Variants in APC observed in about 807,000 individuals in gnomAD.
APC encodes the protein APC regulator of Wnt signaling pathway, also known as adenomatous polyposis coli protein.
A neutral mutation model predicts 247.0 loss-of-function variants in APC; 72 were observed. That is an observed-to-expected ratio of 0.29 (90% CI 0.24 to 0.35). The LOEUF (loss-of-function observed/expected upper bound fraction) is 0.35, where lower values mean the gene tolerates loss of function less well. Among genes scored for constraint, APC ranks in the 10% least tolerant of loss-of-function variants. The probability of loss-of-function intolerance (pLI) is 1.00; values close to 1 mark genes in which losing one functional copy is unlikely to be tolerated. For synonymous variants in APC, 1,254 were observed against 1,162.5 expected, an observed-to-expected ratio of 1.08 and a Z score of -1.60; for missense variants, 3,400 against 3,360.7, an observed-to-expected ratio of 1.01 and a Z score of -0.29.
At chr5:112,821,812 T>C (rs914039055) in intron 10 of APC, 84 bp from the exon 11 acceptor site, 3 of 1,066,262 alleles carry the variant, frequency 2.8e-6, no homozygotes. Context: ...ATATTAGTGA[T>C]CCCTGCATAT....
At chr5:112,797,013 A>G (rs1025158934) in intron 7 of APC, among the ~76,000 whole-genome samples, 43 of 152,130 alleles carry the variant, frequency 2.8e-4, no homozygotes, top group Middle Eastern at 3.4e-3. Flanking sequence ...CCATTTATTA[A>G]TAGTAATCCT....
At chr5:112,802,215 T>A (rs891339029) in intron 8 of APC, among the ~76,000 whole-genome samples, 1 of 152,152 alleles carries the variant, frequency 6.6e-6, no homozygotes, top group Non-Finnish European at 1.5e-5. Context: ...AATATGCTTC[T>A]ATTAGTTCAT....
Position 112,841,546 on chromosome 5 carries a change from T to C in APC, c.5952T>C (p.Asn1984=), listed in dbSNP as rs142019870. Residue 1984 remains asparagine, a synonymous_variant, in exon 16 of 16, where the codon AAT becomes AAC. Coordinates refer to ENST00000257430, the MANE Select transcript of APC (RefSeq NM_000038.6). The surrounding 1 kb of genome is among the most constrained non-coding windows in gnomAD (Gnocchi z 4.6). ...DIDQENNNKE[N]EPIKETEPPD... ...ACCAAGAAAACAACAATAAAGAAAA[T>C]GAACCTATCAAAGAGACTGAGCCCC... is the stretch of plus-strand genomic sequence containing the variant. The C allele has an allele frequency of 6.2e-6, 10 of 1,613,714 alleles. No individual in the cohort carries two copies. Among genetic ancestry groups the C allele is most frequent in the Admixed American group, 5.0e-5 (3 of 59,954 alleles).
intron 7 of APC, among the ~76,000 whole-genome samples, chr5:112,797,082 G>C (rs1200934014): frequency 6.6e-6 from 1 of 151,894 alleles, no homozygotes; most frequent in Non-Finnish European, 1.5e-5. Flanking sequence ...TCTTGTATCT[G>C]TTCAAAACTT....
chr5:112,819,391 G>A (rs924919382), intron 10 of APC, 47 bp downstream of exon 10: 3 of 1,612,780 alleles, frequency 1.9e-6, no homozygotes, highest in East Asian at 4.5e-5. Flanking sequence ...CAAAGCAAAT[G>A]TGAAATTTTT....
rs879254262 is a variant in APC, at chr5:112,842,886, G to C, written c.7292G>C (p.Arg2431Thr). 1 of 1,614,018 alleles carries C rather than the reference G, an allele frequency of 6.2e-7. No homozygotes were observed. Among genetic ancestry groups the C allele is most frequent in the Non-Finnish European group, 8.5e-7 (1 of 1,179,952 alleles). Residue 2431 changes from arginine to threonine, a missense_variant, in exon 16 of 16, where the codon AGA becomes ACA. By Grantham distance (71) the Arg-to-Thr change is moderately conservative. Coordinates refer to ENST00000257430, the MANE Select transcript of APC (RefSeq NM_000038.6). ...STKSSGSESD[R>T]SERPVLVRQS... ...AAATCAAGTGGAAGTGAATCTGATA[G>C]ATCAGAAAGACCTGTATTAGTACGC...
chr5:112,840,334 T>C lies in APC; in HGVS notation c.4740T>C (p.Ile1580=), dbSNP rs760033815. ...DDIEILEECI[I]SAMPTKSSRK... The stretch of plus-strand genomic sequence containing the variant: ...TTGAAATACTAGAAGAATGTATTAT[T>C]TCTGCCATGCCAACAAAGTCATCAC... Residue 1580 remains isoleucine, a synonymous_variant, in exon 16 of 16, where the codon ATT becomes ATC. Coordinates refer to ENST00000257430, the MANE Select transcript of APC (RefSeq NM_000038.6). This position sits in a 1 kb window ranked among gnomAD's most constrained non-coding sequence, Gnocchi z 4.1. 3.1e-6 allele frequency: 5 copies of C among 1,614,202 alleles called. No individual in the cohort carries two copies. The highest frequency in any genetic ancestry group is 1.6e-4 in the Middle Eastern group (1 of 6,062).
chr5:112,753,495 T>C (rs1040433807), intron 1 of APC, among the ~76,000 whole-genome samples: 1 of 152,210 alleles, frequency 6.6e-6, no homozygotes, highest in Admixed American at 6.5e-5. Flanking sequence ...TTACAAATTG[T>C]GAAATGAATT....
intron 6 of APC, among the ~76,000 whole-genome samples, chr5:112,789,407 T>C (rs1759327576): frequency 6.6e-6 from 1 of 152,188 alleles, no homozygotes; most frequent in Non-Finnish European, 1.5e-5. Flanking sequence ...TAGTGGCTTC[T>C]TCTATTTTCA....
chr5:112,789,923 C>T (rs1256044206), intron 6 of APC, among the ~76,000 whole-genome samples: 4 of 151,352 alleles, frequency 2.6e-5, no homozygotes, highest in South Asian at 2.1e-4. Flanking sequence ...GGCAGTGGCA[C>T]GATATCGCTC....
chr5:112,720,211 T>C (rs1426513636), intron 1 of APC, among the ~76,000 whole-genome samples: 1 of 152,242 alleles, frequency 6.6e-6, no homozygotes. Flanking sequence ...GCCATCCATT[T>C]CTTTGTGATT....
At chr5:112,778,285 G>C (rs114568633) in intron 5 of APC, 2 of 152,582 alleles carry the variant, frequency 1.3e-5, no homozygotes, top group African/African-American at 4.8e-5. Context: ...TTCTAATCCT[G>C]TCAGCCTCTC....
At chr5:112,731,977 G>A (rs1226426775) in intron 1 of APC, among the ~76,000 whole-genome samples, 1 of 152,192 alleles carries the variant, frequency 6.6e-6, no homozygotes, top group Non-Finnish European at 1.5e-5. Context: ...GGCCAGGCTG[G>A]TCTCAAACTC....
intron 6 of APC, chr5:112,783,926 C>G: frequency 4.8e-6 from 1 of 209,556 alleles, no homozygotes; most frequent in Non-Finnish European, 9.9e-6. Context: ...CATCACTACA[C>G]ATCAGGGAAA....
rs77982776 is a variant in APC at position 112,754,737 on chromosome 5, G to T, written c.-18-136G>T. The T allele has an allele frequency of 1.3e-6, 1 of 753,496 alleles. No individual in the cohort carries two copies. The highest frequency in any genetic ancestry group is 2.2e-6 in the Non-Finnish European group (1 of 459,170). 46.7% of individuals were successfully genotyped at this position (753,496 alleles called of 1,614,324 possible). A position where few individuals can be genotyped will look rare whatever the true frequency, so the allele number is the denominator to read the frequency against. ...GCTGCTACTTGAACAATATTGTTTT[G>T]AGACCAAAAACTAGCATATTAACAC... On this transcript the variant is annotated intron_variant, in intron 1 of 15. Transcript: ENST00000257430.
intron 1 of APC, among the ~76,000 whole-genome samples, chr5:112,748,145 C>G (rs1471590187): frequency 6.6e-6 from 1 of 152,104 alleles, no homozygotes; most frequent in East Asian, 1.9e-4. Context: ...TGAGACCTGC[C>G]CACACGTGGT....
Position 112,844,205 on chromosome 5 carries a change from T to C in APC, c.*79T>C, listed in dbSNP as rs1766783190. The C allele has an allele frequency of 1.5e-6, 2 of 1,367,838 alleles. No individual in the cohort carries two copies. The highest frequency in any genetic ancestry group is 1.0e-6 in the Non-Finnish European group (1 of 993,628). 84.7% of individuals were successfully genotyped at this position (1,367,838 alleles called of 1,614,324 possible). On this transcript the variant is annotated 3_prime_UTR_variant, in exon 16 of 16. Coordinates refer to ENST00000257430, the MANE Select transcript of APC (RefSeq NM_000038.6). ...AGACATTTTGTTTCAAATGAAACTT[T>C]AAAAGACTGAAAAATTTTGTAAATA...
chr5:112,761,320 C>T (rs963575964), intron 2 of APC, among the ~76,000 whole-genome samples: 4 of 151,914 alleles, frequency 2.6e-5, no homozygotes, highest in African/African-American at 9.7e-5. Flanking sequence ...TAGGAGCAAA[C>T]TCAGATGATC....
chr5:112,750,920 C>A (rs1032499246), intron 1 of APC, among the ~76,000 whole-genome samples: 7 of 152,036 alleles, frequency 4.6e-5, no homozygotes, highest in African/African-American at 1.7e-4. Context: ...GCAGTTTTTT[C>A]TTTTTCCTCA....
Sources: gnomAD v4.1 joint callset for allele counts (sites outside exome capture counted in the v4.1 genomes callset) on GRCh38, gnomAD v4.1.1 for gene constraint, Gnocchi (gnomAD v3.1) non-coding constraint, MANE v1.5 for transcripts, NCBI Gene and HGNC (gene_info 2026-07-23, HGNC 2026-07-21) for gene names.